The following PPM1H variants were observed in gnomAD, a reference collection of about 807,000 sequenced individuals.
The protein encoded by PPM1H is protein phosphatase, Mg2+/Mn2+ dependent 1H, also known as protein phosphatase 1H.
Under a neutral mutation model 54.9 loss-of-function variants are expected in PPM1H, and 27 were observed. That is an observed-to-expected ratio of 0.49 (90% CI 0.36 to 0.68). PPM1H has a LOEUF of 0.68. PPM1H is among the 30% of genes least tolerant of loss of function. PPM1H has a pLI of 0.00. For synonymous variants in PPM1H, 305 were observed against 270.8 expected, an observed-to-expected ratio of 1.13 and a Z score of -1.24; for missense variants, 596 against 667.8, an observed-to-expected ratio of 0.89 and a Z score of 1.19.
chr12:62,787,150 G>A (rs2076676985), intron 4 of PPM1H, among the ~76,000 whole-genome samples: 1 of 152,138 alleles, frequency 6.6e-6, no homozygotes, highest in South Asian at 2.1e-4. Context: ...TGAATTTCTT[G>A]ATTGCCTCAA....
In PPM1H at chr12:62,832,198, G is replaced by A. The variant is rs371630268; in HGVS notation, c.327C>T (p.Ala109=). Residue 109 remains alanine, a synonymous_variant, in exon 2 of 10, where the codon GCC becomes GCT. Coordinates refer to ENST00000228705, the MANE Select transcript of PPM1H (RefSeq NM_020700.2). The part of the protein sequence containing the change: ...EVLTVKKKAG[A]VTSTPNRNSS... ...AGTTCCTGTTTGGGGTTGAGGTCAC[G>A]GCCCCTGCCTTCTTCTTCACAGTGA... is the stretch of plus-strand genomic sequence containing the variant. 29 of 1,613,572 alleles carry A rather than the reference G, an allele frequency of 1.8e-5. No individual in the cohort carries two copies. Among genetic ancestry groups the A allele is most frequent in the African/African-American group, 1.2e-4 (9 of 74,880 alleles).
intron 1 of PPM1H, among the ~76,000 whole-genome samples, chr12:62,834,711 G>T (rs1023122092): frequency 3.8e-4 from 58 of 152,266 alleles, no homozygotes; most frequent in African/African-American, 1.3e-3. Flanking sequence ...CAAGTCACTG[G>T]GGGGGCCTGC....
rs2075783421 is a variant in PPM1H at position 62,646,092 on chromosome 12, C to A, written c.*2397G>T. 6.6e-6 allele frequency: 1 copy of A among 152,196 alleles called. No homozygotes were observed. Among genetic ancestry groups the A allele is most frequent in the African/African-American group, 2.4e-5 (1 of 41,438 alleles). 9.4% of individuals were successfully genotyped at this position (152,196 alleles called of 1,614,324 possible). A position where few individuals can be genotyped will look rare whatever the true frequency, so the allele number is the denominator to read the frequency against. On this transcript the variant is annotated 3_prime_UTR_variant, in exon 10 of 10. Transcript: ENST00000228705. ...TCTTATTTATAGTCTTCCTCCCATC[C>A]CCTGAACACAAACTTGACTTTATCT... is the stretch of plus-strand genomic sequence containing the variant.
At chr12:62,662,453 C>T (rs531603750) in intron 9 of PPM1H, among the ~76,000 whole-genome samples, 1 of 152,208 alleles carries the variant, frequency 6.6e-6, no homozygotes, top group African/African-American at 2.4e-5. Context: ...AGATGGTCTA[C>T]CTTCACGTTT....
chr12:62,785,342 A>T (rs1555196374), intron 4 of PPM1H, among the ~76,000 whole-genome samples: 1 of 151,786 alleles, frequency 6.6e-6, no homozygotes, highest in Non-Finnish European at 1.5e-5. Context: ...ACACCCGCTC[A>T]TTTTTTTTGT....
chr12:62,841,143 G>C (rs775008213), intron 1 of PPM1H, among the ~76,000 whole-genome samples: 22 of 152,112 alleles, frequency 1.4e-4, no homozygotes, highest in African/African-American at 5.1e-4. Flanking sequence ...AAGTCTTGGT[G>C]GTGGGGAGTT....
At chr12:62,815,746 T>C (rs1478245668) in intron 2 of PPM1H, among the ~76,000 whole-genome samples, 1 of 152,068 alleles carries the variant, frequency 6.6e-6, no homozygotes, top group Admixed American at 6.5e-5. Context: ...GATGGGAAAA[T>C]TGAGGTATGG....
At chr12:62,928,255 T>A (rs1454330292) in intron 1 of PPM1H, among the ~76,000 whole-genome samples, 5 of 152,214 alleles carry the variant, frequency 3.3e-5, no homozygotes, top group Non-Finnish European at 7.3e-5. Flanking sequence ...TATACCGTTC[T>A]TAAGCTAATA....
At chr12:62,918,432 G>A (rs74862592) in intron 1 of PPM1H, among the ~76,000 whole-genome samples, 2,473 of 152,296 alleles carry the variant, frequency 0.016, 65 homozygotes, top group African/African-American at 0.057. Flanking sequence ...AAATATTAAG[G>A]TGAAGCAATA....
intron 3 of PPM1H, among the ~76,000 whole-genome samples, chr12:62,798,999 C>A (rs1459559700): frequency 2.0e-5 from 3 of 152,206 alleles, no homozygotes; most frequent in African/African-American, 7.2e-5. Context: ...TAACACCCTT[C>A]TTTGCCTAAT....
intron 4 of PPM1H, among the ~76,000 whole-genome samples, chr12:62,764,879 G>GAAGGCCGCCACC (rs1321443749): frequency 1.3e-5 from 2 of 152,240 alleles, no homozygotes; most frequent in Non-Finnish European, 2.9e-5. Flanking sequence ...CTGCATGTGT[G>GAAGGCCGCCACC]AAGGCCGCAT....
At chr12:62,662,910 G>C (rs57193634) in intron 9 of PPM1H, among the ~76,000 whole-genome samples, 2,334 of 152,226 alleles carry the variant, frequency 0.015, 72 homozygotes, top group African/African-American at 0.053. Flanking sequence ...CTTGGTTTTT[G>C]TTATAGTTTT....
At chr12:62,745,941 C>T (rs2076407943) in intron 4 of PPM1H, among the ~76,000 whole-genome samples, 1 of 152,118 alleles carries the variant, frequency 6.6e-6, no homozygotes, top group Admixed American at 6.5e-5. Flanking sequence ...ACCTATAATC[C>T]CAGCACTTGG....
intron 2 of PPM1H, among the ~76,000 whole-genome samples, chr12:62,804,833 G>A (rs1181559698): frequency 2.0e-5 from 3 of 150,568 alleles, no homozygotes; most frequent in South Asian, 2.1e-4. Context: ...CCGCCACTAC[G>A]CCCGGCTAAT....
At chr12:62,794,632 T>C (rs562268170) in intron 3 of PPM1H, among the ~76,000 whole-genome samples, 1 of 152,290 alleles carries the variant, frequency 6.6e-6, no homozygotes, top group Admixed American at 6.5e-5. Flanking sequence ...AAAACGGTAA[T>C]CACTGCTAAC....
chr12:62,714,340 G>A (rs1483359181), intron 6 of PPM1H, among the ~76,000 whole-genome samples: 3 of 152,224 alleles, frequency 2.0e-5, no homozygotes, highest in Non-Finnish European at 4.4e-5. Context: ...AGTGCTGAAA[G>A]GAGAAAATGG....
intron 7 of PPM1H, among the ~76,000 whole-genome samples, chr12:62,691,882 C>G (rs2076085241): frequency 6.6e-6 from 1 of 151,872 alleles, no homozygotes; most frequent in African/African-American, 2.4e-5. Context: ...TGGACTGGCT[C>G]CCTTCTAGCC....
intron 9 of PPM1H, among the ~76,000 whole-genome samples, chr12:62,649,351 G>A (rs1036296271): frequency 3.3e-5 from 5 of 152,002 alleles, no homozygotes; most frequent in African/African-American, 1.2e-4. Flanking sequence ...TAAGATTGCT[G>A]AGATTTAAAC....
intron 6 of PPM1H, among the ~76,000 whole-genome samples, chr12:62,715,502 G>A (rs1267323619): frequency 3.3e-5 from 5 of 152,202 alleles, no homozygotes; most frequent in Non-Finnish European, 7.4e-5. Flanking sequence ...GAAGGTCCTG[G>A]TGACAATAAC....
Sources: allele counts gnomAD v4.1 joint callset (sites outside exome capture counted in the v4.1 genomes callset), GRCh38; gene constraint gnomAD v4.1.1; transcripts MANE v1.5; gene names NCBI Gene and HGNC (gene_info 2026-07-23, HGNC 2026-07-21).